The following TBC1D5 variants were observed in gnomAD, a reference collection of about 807,000 sequenced individuals.
TBC1D5 encodes TBC1 domain family member 5.
Under a neutral mutation model 100.3 loss-of-function variants are expected in TBC1D5, and 75 were observed. That is an observed-to-expected ratio of 0.75 (90% CI 0.62 to 0.91). The LOEUF is 0.91. TBC1D5 is among the 40% of genes least tolerant of loss of function. The probability of loss-of-function intolerance (pLI) is 0.00; values close to 1 mark genes in which losing one functional copy is unlikely to be tolerated. For synonymous variants in TBC1D5, 323 were observed against 325.6 expected, an observed-to-expected ratio of 0.99 and a Z score of 0.09; for missense variants, 910 against 942.4, an observed-to-expected ratio of 0.97 and a Z score of 0.45.
intron 14 of TBC1D5, among the ~76,000 whole-genome samples, chr3:17,292,633 T>C (rs574584576): frequency 6.6e-6 from 1 of 152,296 alleles, no homozygotes; most frequent in Non-Finnish European, 1.5e-5. Context: ...ATTTTTTTTT[T>C]CAAATCAACC....
chr3:17,505,073 T>C (rs944679398), intron 3 of TBC1D5, among the ~76,000 whole-genome samples: 3 of 152,174 alleles, frequency 2.0e-5, no homozygotes, highest in Non-Finnish European at 4.4e-5. Flanking sequence ...AGTTGCCAAA[T>C]ATTTTATGAA....
chr3:17,568,363 A>G (rs2096606111), intron 2 of TBC1D5, among the ~76,000 whole-genome samples: 1 of 151,510 alleles, frequency 6.6e-6, no homozygotes, highest in Non-Finnish European at 1.5e-5. Context: ...TTGGTTAAAA[A>G]AAGAGAACAT....
intron 2 of TBC1D5, among the ~76,000 whole-genome samples, chr3:17,612,995 C>A (rs1159039277): frequency 1.5e-4 from 22 of 151,560 alleles, no homozygotes; most frequent in Admixed American, 1.4e-3. Flanking sequence ...CTCAACAAGT[C>A]ATTTACATTA....
At chr3:17,166,515 C>T (rs1006198705) in intron 21 of TBC1D5, among the ~76,000 whole-genome samples, 1 of 152,244 alleles carries the variant, frequency 6.6e-6, no homozygotes, top group Non-Finnish European at 1.5e-5. Context: ...TCAGGCAGCA[C>T]TGCTGCACAC....
chr3:17,286,456 T>G (rs2081200140), intron 15 of TBC1D5, among the ~76,000 whole-genome samples: 1 of 152,196 alleles, frequency 6.6e-6, no homozygotes, highest in African/African-American at 2.4e-5. Flanking sequence ...TTTTTCAGAT[T>G]GTCCTCCTTC....
intron 13 of TBC1D5, chr3:17,340,760 G>A (rs2088756529): frequency 6.6e-6 from 1 of 152,232 alleles, no homozygotes; most frequent in Non-Finnish European, 1.5e-5. Context: ...GTCAATGATG[G>A]GGTGGGGAGG....
chr3:17,253,655 T>A (rs767900272), intron 16 of TBC1D5, among the ~76,000 whole-genome samples: 8 of 152,194 alleles, frequency 5.3e-5, no homozygotes, highest in African/African-American at 1.4e-4. Context: ...CAAACCCTTA[T>A]CCTGAGGTAG....
At chr3:17,262,631 G>A (rs1306676168) in intron 15 of TBC1D5, among the ~76,000 whole-genome samples, 2 of 151,458 alleles carry the variant, frequency 1.3e-5, no homozygotes, top group Non-Finnish European at 2.9e-5. Flanking sequence ...ACAAGCGCCC[G>A]CCACTACGCC....
chr3:17,707,814 GAAAC>G (rs1445963870), intron 1 of TBC1D5, among the ~76,000 whole-genome samples: 1 of 151,704 alleles, frequency 6.6e-6, no homozygotes, highest in Non-Finnish European at 1.5e-5. Flanking sequence ...AACAACCAAA[GAAAC>G]AAACAAAAAA....
At chr3:17,344,691 G>A (rs1187781396) in intron 13 of TBC1D5, among the ~76,000 whole-genome samples, 9 of 152,052 alleles carry the variant, frequency 5.9e-5, no homozygotes, top group South Asian at 2.1e-4. Context: ...AGTAACCAAA[G>A]CAGCATGGTA....
chr3:17,440,633 TTTTTGTTTTG>T (rs980170129), intron 3 of TBC1D5, among the ~76,000 whole-genome samples: 2 of 151,820 alleles, frequency 1.3e-5, no homozygotes, highest in Non-Finnish European at 2.9e-5. Context: ...ACATATACAT[TTTTTGTTTTG>T]TTTTGTTTTG....
At chr3:17,216,952 C>G (rs981504504) in intron 17 of TBC1D5, among the ~76,000 whole-genome samples, 2 of 152,124 alleles carry the variant, frequency 1.3e-5, no homozygotes, top group Non-Finnish European at 2.9e-5. Flanking sequence ...TACAGAGATG[C>G]ATGACCATCA....
At chr3:17,164,953 G>T (rs1228575005) in intron 21 of TBC1D5, among the ~76,000 whole-genome samples, 1 of 152,214 alleles carries the variant, frequency 6.6e-6, no homozygotes, top group Non-Finnish European at 1.5e-5. Context: ...ACTGCTAACA[G>T]CTATGGGGAA....
At chr3:17,271,161 G>A (rs1324178788) in intron 15 of TBC1D5, among the ~76,000 whole-genome samples, 1 of 152,082 alleles carries the variant, frequency 6.6e-6, no homozygotes, top group Admixed American at 6.5e-5. Context: ...ATGGAATTGG[G>A]AATTTGATAG....
intron 3 of TBC1D5, among the ~76,000 whole-genome samples, chr3:17,487,740 G>T (rs1272561045): frequency 6.6e-6 from 1 of 152,020 alleles, no homozygotes; most frequent in Non-Finnish European, 1.5e-5. Flanking sequence ...AGGAATAAAG[G>T]GAAAAGTTAT....
chr3:17,191,451 G>T (rs1390804839), intron 18 of TBC1D5, among the ~76,000 whole-genome samples: 1 of 152,032 alleles, frequency 6.6e-6, no homozygotes, highest in East Asian at 1.9e-4. Flanking sequence ...TATTTCAAAG[G>T]ATTATGAATG....
intron 3 of TBC1D5, among the ~76,000 whole-genome samples, chr3:17,483,462 A>C (rs2095523966): frequency 6.6e-6 from 1 of 152,230 alleles, no homozygotes; most frequent in Non-Finnish European, 1.5e-5. Context: ...GGGCTTGAGA[A>C]GAAAACTCAA....
chr3:17,401,479 C>G (rs1351268295), intron 8 of TBC1D5, among the ~76,000 whole-genome samples: 1 of 151,910 alleles, frequency 6.6e-6, no homozygotes, highest in Non-Finnish European at 1.5e-5. Context: ...CTAACACTTT[C>G]TTACATAACA....
chr3:17,305,601 A>T (rs2083321376), intron 14 of TBC1D5, among the ~76,000 whole-genome samples: 1 of 152,174 alleles, frequency 6.6e-6, no homozygotes, highest in African/African-American at 2.4e-5. Flanking sequence ...TTTAGGTTAC[A>T]ATTTCTTATA....
Sources: gnomAD v4.1 joint callset for allele counts (sites outside exome capture counted in the v4.1 genomes callset) on GRCh38, gnomAD v4.1.1 for gene constraint, MANE v1.5 for transcripts, NCBI Gene and HGNC (gene_info 2026-07-23, HGNC 2026-07-21) for gene names.